NDST1: variants seen among roughly 807,000 people sequenced by gnomAD.
The protein encoded by NDST1 is bifunctional heparan sulfate N-deacetylase/N-sulfotransferase 1.
Under a neutral mutation model 92.8 loss-of-function variants are expected in NDST1, and 35 were observed. The observed-to-expected ratio is 0.38, with a 90% confidence interval of 0.29 to 0.50. The LOEUF (loss-of-function observed/expected upper bound fraction) is 0.50. Ranked by LOEUF, NDST1 falls within the 20% of genes least tolerant of loss-of-function variation. NDST1 has a pLI of 0.94. For synonymous variants in NDST1, 493 were observed against 500.3 expected (o/e 0.99, Z 0.19); for missense variants, 822 against 1,182.7 (o/e 0.69, Z 4.47).
intron 4 of NDST1, among the ~76,000 whole-genome samples, chr5:150,534,029 G>C (rs942825188): frequency 6.6e-6 from 1 of 151,678 alleles, no homozygotes; most frequent in Non-Finnish European, 1.5e-5. Flanking sequence ...GCTGCAGTGA[G>C]CTATGATCGC....
At position 150,553,326 on chromosome 5, in the gene NDST1, C is replaced by G. The variant is rs777554028; in HGVS notation, c.2643C>G (p.Thr881=). The change falls in exon 15 of 15, where the codon ACC becomes ACG. Residue 881 remains threonine, a synonymous_variant. Transcript: ENST00000261797. This position sits in a 1 kb window ranked among gnomAD's most constrained non-coding sequence, Gnocchi z 4.2. Reference sequence around the variant, plus strand: ...GGCTACGAGAGGACCTCCAGAACACCAGGTAGCCGTGGCCACCACAGCCAG... The same window carrying G: ...GGCTACGAGAGGACCTCCAGAACACGAGGTAGCCGTGGCCACCACAGCCAG... ...PTWLREDLQN[T]R is the part of the protein sequence containing the mutation. The G allele has an allele frequency of 6.2e-7, 1 of 1,613,016 alleles. No homozygotes were observed. The highest frequency in any genetic ancestry group is 1.3e-5 in the African/African-American group (1 of 74,900).
chr5:150,539,264 A>T lies in NDST1; in HGVS notation c.1474A>T (p.Thr492Ser). ...PRQTCGLFTHTIFYNEYPGGS... is the reference protein window; with the variant it reads ...PRQTCGLFTHSIFYNEYPGGS... ...GCAGACCTGCGGCCTCTTCACACAC[A>T]CCATCTTCTACAACGAGTACCCTGG... Residue 492 changes from threonine (T) to serine (S), a missense_variant, in exon 7 of 15, where the codon ACC (threonine) becomes TCC (serine). By Grantham distance (58) the Thr-to-Ser change is moderately conservative. Transcript: ENST00000261797. 1 of 1,613,016 alleles carries T rather than the reference A, an allele frequency of 6.2e-7. No homozygotes were observed. The highest frequency in any genetic ancestry group is 8.5e-7 in the Non-Finnish European group (1 of 1,179,818).
intron 3 of NDST1, among the ~76,000 whole-genome samples, chr5:150,531,500 CT>C (rs35747232): frequency 0.28 from 36,656 of 130,910 alleles, 5,531 homozygotes; most frequent in Non-Finnish European, 0.38. Flanking sequence ...CTTTTTCTCT[CT>C]TTTTTTTTTT....
chr5:150,537,153 T>C (rs535880754), intron 6 of NDST1, among the ~76,000 whole-genome samples: 1 of 152,350 alleles, frequency 6.6e-6, no homozygotes, highest in Non-Finnish European at 1.5e-5. Flanking sequence ...CTTCATAAGC[T>C]GAGGATGAAT....
intron 1 of NDST1, among the ~76,000 whole-genome samples, chr5:150,520,297 A>G (rs1754185083): frequency 6.6e-6 from 1 of 150,620 alleles, no homozygotes; most frequent in African/African-American, 2.5e-5. Flanking sequence ...GCAGCCTGCT[A>G]ATGAATCCTG....
intron 10 of NDST1, among the ~76,000 whole-genome samples, chr5:150,544,491 G>A (rs1434415546): frequency 1.3e-5 from 2 of 152,166 alleles, no homozygotes; most frequent in South Asian, 2.1e-4. Flanking sequence ...GTCTAAAGTG[G>A]GGTGCAGGAA....
Position 150,540,225 on chromosome 5 carries a change from C to G in NDST1, c.1710C>G (p.Tyr570Ter). 6.2e-7 allele frequency: 1 copy of G among 1,612,934 alleles called. No homozygotes were observed. The highest frequency in any genetic ancestry group is 8.5e-7 in the Non-Finnish European group (1 of 1,179,012). Residue 570 changes from tyrosine (Y) to a stop codon, truncating the protein, a stop_gained, in exon 8 of 15, where the codon TAC becomes TAG. Coordinates refer to ENST00000261797, the MANE Select transcript of NDST1 (RefSeq NM_001543.5). LOFTEE classifies it high-confidence loss of function. ...TLPPVQLAQK[Y>*]FQIFSEEKDP... ...CCCCTGTGCAGTTGGCGCAGAAGTA[C>G]TTCCAGATCTTCTCCGAGGAGAAGG... is the stretch of plus-strand genomic sequence containing the variant.
rs917925287 is a variant in NDST1 at position 150,558,083 on chromosome 5, G to C, written c.*4751G>C. 6.6e-6 allele frequency: 1 copy of C among 152,246 alleles called. No homozygotes were observed. The highest frequency in any genetic ancestry group is 1.5e-5 in the Non-Finnish European group (1 of 67,954). 9.4% of individuals were successfully genotyped at this position (152,246 alleles called of 1,614,324 possible). A position where few individuals can be genotyped will look rare whatever the true frequency, so the allele number is the denominator to read the frequency against. The stretch of plus-strand genomic sequence containing the variant: ...TAGGGGGGTGGGGAGAGTGGGGAGA[G>C]GGGGTGCTATCCAGTTCGCCTGATG... On this transcript the variant is annotated 3_prime_UTR_variant, in exon 15 of 15. Transcript: ENST00000261797.
intron 1 of NDST1, among the ~76,000 whole-genome samples, chr5:150,498,694 C>T (rs1031320272): frequency 1.3e-5 from 2 of 152,220 alleles, no homozygotes; most frequent in Non-Finnish European, 2.9e-5. Flanking sequence ...CCCTTCCCCC[C>T]ACGGAGCTGT....
At position 150,558,066 on chromosome 5, in the gene NDST1, T is replaced by A. The variant is rs999922920; in HGVS notation, c.*4734T>A. The A allele has an allele frequency of 3.3e-5, 1 of 30,388 alleles. No homozygotes were observed. The highest frequency in any genetic ancestry group is 1.3e-4 in the African/African-American group (1 of 7,824). 1.9% of individuals were successfully genotyped at this position (30,388 alleles called of 1,614,324 possible). ...GAGGTTTCCTTCCCTTGTAGGGGGG[T>A]GGGGAGAGTGGGGAGAGGGGGTGCT... On this transcript the variant is annotated 3_prime_UTR_variant, in exon 15 of 15. Coordinates refer to ENST00000261797, the MANE Select transcript of NDST1 (RefSeq NM_001543.5).
intron 3 of NDST1, among the ~76,000 whole-genome samples, chr5:150,531,391 C>G (rs1414687626): frequency 6.6e-6 from 1 of 152,122 alleles, no homozygotes; most frequent in Non-Finnish European, 1.5e-5. Flanking sequence ...CGGTGCACGG[C>G]CCTGGTAAGA....
At chr5:150,498,664 C>G (rs1296131008) in intron 1 of NDST1, among the ~76,000 whole-genome samples, 1 of 152,178 alleles carries the variant, frequency 6.6e-6, no homozygotes, top group Non-Finnish European at 1.5e-5. Context: ...TCCTTTTGTC[C>G]CTCCATTGTC....
chr5:150,551,605 G>T (rs973924568), intron 13 of NDST1, 148 bp from the exon 14 acceptor site: 2 of 1,002,546 alleles, frequency 2.0e-6, no homozygotes, highest in Non-Finnish European at 3.0e-6. Flanking sequence ...TGATCCCACA[G>T]ATGGCACATA....
At chr5:150,534,661 G>T (rs1482611050) in intron 4 of NDST1, among the ~76,000 whole-genome samples, 1 of 152,176 alleles carries the variant, frequency 6.6e-6, no homozygotes, top group East Asian at 1.9e-4. Context: ...CTTGGCCAAG[G>T]TCCCCCACTG....
intron 5 of NDST1, 41 bp downstream of exon 5, chr5:150,535,062 G>T: frequency 1.3e-6 from 2 of 1,589,142 alleles, no homozygotes; most frequent in Admixed American, 1.8e-5. Context: ...GGCGGGCTAA[G>T]GGCTGGGCTG....
At chr5:150,526,564 C>T (rs1008626509) in intron 2 of NDST1, among the ~76,000 whole-genome samples, 3 of 152,216 alleles carry the variant, frequency 2.0e-5, no homozygotes, top group African/African-American at 2.4e-5. Context: ...GGTCCAAAGG[C>T]GAAACATCAT....
chr5:150,509,242 G>C (rs1360561806), intron 1 of NDST1, among the ~76,000 whole-genome samples: 1 of 152,246 alleles, frequency 6.6e-6, no homozygotes, highest in East Asian at 1.9e-4. Context: ...GTGGGGGCTA[G>C]TGGTGACCCA....
At chr5:150,504,588 C>T (rs373841101), upstream of NDST1, among the ~76,000 whole-genome samples, 1 of 152,192 alleles carries the variant, frequency 6.6e-6, no homozygotes, top group Admixed American at 6.5e-5. Flanking sequence ...AGAGTCTCCC[C>T]GACAGAGCTG....
chr5:150,557,239 G>A lies in NDST1; in HGVS notation c.*3907G>A, dbSNP rs1755888685. 6.6e-6 allele frequency: 1 copy of A among 152,656 alleles called. No individual in the cohort carries two copies. The highest frequency in any genetic ancestry group is 2.1e-4 in the South Asian group (1 of 4,836). 9.5% of individuals were successfully genotyped at this position (152,656 alleles called of 1,614,324 possible). A position where few individuals can be genotyped will look rare whatever the true frequency, so the allele number is the denominator to read the frequency against. On this transcript the variant is annotated 3_prime_UTR_variant, in exon 15 of 15. Transcript: ENST00000261797. The surrounding 1 kb of genome is among the most constrained non-coding windows in gnomAD (Gnocchi z 4.7). ...GTAATATCTGGGCCTTGGAAGGAAG[G>A]ACACAGGGCTCTGGAAGGAGGAGGC...
Sources: allele counts gnomAD v4.1 joint callset (sites outside exome capture counted in the v4.1 genomes callset), GRCh38; gene constraint gnomAD v4.1.1; non-coding constraint Gnocchi (gnomAD v3.1); transcripts MANE v1.5; gene names NCBI Gene and HGNC (gene_info 2026-07-23, HGNC 2026-07-21).